Variants in DIAPH2 observed in about 807,000 individuals in gnomAD.
The protein encoded by DIAPH2 is diaphanous related formin 2.
A neutral mutation model predicts 92.7 loss-of-function variants in DIAPH2; 35 were observed. The observed-to-expected ratio is 0.38, with a 90% CI of 0.29 to 0.50. DIAPH2 has a LOEUF of 0.50. Among genes scored for constraint, DIAPH2 ranks in the 20% least tolerant of loss-of-function variants. The pLI, the probability that DIAPH2 is intolerant of heterozygous loss-of-function variation, is 0.94. For synonymous variants in DIAPH2, 301 were observed against 280.4 expected (o/e 1.07, Z -0.73); for missense variants, 701 against 819.5 (o/e 0.86, Z 1.77).
chrX:97,151,497 A>C (rs1436154984), intron 22 of DIAPH2, among the ~76,000 whole-genome samples: 8 of 27,195 alleles, frequency 2.9e-4, no homozygotes, highest in Admixed American at 7.2e-4. Context: ...GATTTTATCC[A>C]AACACCTTTT....
At chrX:97,089,762 C>G (rs1157088949) in intron 19 of DIAPH2, among the ~76,000 whole-genome samples, 1 of 110,150 alleles carries the variant, frequency 9.1e-6, no homozygotes, top group East Asian at 2.8e-4. Flanking sequence ...GAGTCTTGCT[C>G]TGTTGCCCAG....
At chrX:97,425,620 C>CA (rs1009042466) in intron 25 of DIAPH2, among the ~76,000 whole-genome samples, 433 of 103,904 alleles carry the variant, frequency 4.2e-3, no homozygotes, top group African/African-American at 0.012. Context: ...ACTAAAAATA[C>CA]AAAAAAAAAA....
intron 5 of DIAPH2, among the ~76,000 whole-genome samples, chrX:96,906,018 A>T (rs2065431131): frequency 8.9e-6 from 1 of 112,081 alleles, no homozygotes; most frequent in Non-Finnish European, 1.9e-5. Context: ...AGTCCCAGCT[A>T]CTCGGGAGGC....
intron 17 of DIAPH2, among the ~76,000 whole-genome samples, chrX:97,001,373 G>A (rs1028025277): frequency 2.7e-5 from 3 of 112,014 alleles, no homozygotes; most frequent in Non-Finnish European, 5.6e-5. Flanking sequence ...GTCCAGGTGC[G>A]GTGGCTCACG....
intron 17 of DIAPH2, among the ~76,000 whole-genome samples, chrX:96,995,875 G>A (rs901786487): frequency 1.8e-5 from 2 of 108,548 alleles, no homozygotes; most frequent in Non-Finnish European, 3.8e-5. Flanking sequence ...TTAAAAAAAT[G>A]TGACATCAGG....
intron 22 of DIAPH2, among the ~76,000 whole-genome samples, chrX:97,173,775 G>A (rs1416425638): frequency 2.7e-5 from 3 of 109,725 alleles, no homozygotes; most frequent in African/African-American, 9.9e-5. Context: ...GAGTGTGGTG[G>A]CATGCTCCTA....
intron 23 of DIAPH2, among the ~76,000 whole-genome samples, chrX:97,334,720 C>T (rs1366799182): frequency 1.9e-5 from 2 of 106,530 alleles, no homozygotes; most frequent in Non-Finnish European, 3.9e-5. Flanking sequence ...CGGTGGCTCA[C>T]GCCTGTAATC....
chrX:96,958,852 T>G (rs2065829411), intron 16 of DIAPH2, among the ~76,000 whole-genome samples: 1 of 111,806 alleles, frequency 8.9e-6, no homozygotes, highest in Non-Finnish European at 1.9e-5. Context: ...TGTGTCCAGC[T>G]TTTTTCACTT....
intron 22 of DIAPH2, among the ~76,000 whole-genome samples, chrX:97,211,264 A>G (rs898442045): frequency 6.3e-5 from 7 of 111,334 alleles, no homozygotes; most frequent in African/African-American, 2.3e-4. Flanking sequence ...TATATATAAG[A>G]TGAAGTCAGG....
intron 23 of DIAPH2, among the ~76,000 whole-genome samples, chrX:97,300,789 G>A (rs1379405948): frequency 3.1e-5 from 3 of 97,582 alleles, no homozygotes; most frequent in Non-Finnish European, 6.2e-5. Context: ...AAAATTAGCC[G>A]GGCATGGTGG....
intron 23 of DIAPH2, among the ~76,000 whole-genome samples, chrX:97,316,626 AT>A (rs2068843228): frequency 9.0e-6 from 1 of 111,474 alleles, no homozygotes; most frequent in South Asian, 3.8e-4. Context: ...ACTGCACTCC[AT>A]CCCGGGCCAT....
intron 26 of DIAPH2, among the ~76,000 whole-genome samples, chrX:97,437,075 T>C (rs1044218252): frequency 1.8e-5 from 2 of 111,036 alleles, no homozygotes; most frequent in Non-Finnish European, 3.8e-5. Context: ...TCATAACAGA[T>C]CCCACGTAAT....
intron 22 of DIAPH2, among the ~76,000 whole-genome samples, chrX:97,233,078 A>G (rs1455473240): frequency 8.9e-6 from 1 of 112,167 alleles, no homozygotes; most frequent in Admixed American, 9.5e-5. Flanking sequence ...TAACCTCCCT[A>G]CAATAAAGCT....
intron 26 of DIAPH2, among the ~76,000 whole-genome samples, chrX:97,451,127 A>G (rs983713723): frequency 4.5e-5 from 5 of 111,626 alleles, no homozygotes; most frequent in African/African-American, 1.6e-4. Context: ...ATAAAGTGAG[A>G]TGGTGAATGT....
At chrX:97,586,378 A>G (rs1332735919) in intron 26 of DIAPH2, among the ~76,000 whole-genome samples, 1 of 110,281 alleles carries the variant, frequency 9.1e-6, no homozygotes, top group Non-Finnish European at 1.9e-5. Context: ...GTGATCTTGG[A>G]CTCCTTTTCT....
intron 4 of DIAPH2, among the ~76,000 whole-genome samples, chrX:96,855,898 A>G (rs1019481728): frequency 1.8e-5 from 2 of 111,772 alleles, no homozygotes. Context: ...ATAACAATAT[A>G]TGGCAGTTTT....
At chrX:96,999,898 A>C (rs2066131614) in intron 17 of DIAPH2, among the ~76,000 whole-genome samples, 1 of 111,478 alleles carries the variant, frequency 9.0e-6, no homozygotes, top group Admixed American at 9.5e-5. Context: ...ACGCTTTTAT[A>C]AAGAGCAGTT....
At chrX:97,468,345 A>G (rs1409500088) in intron 26 of DIAPH2, among the ~76,000 whole-genome samples, 2 of 111,542 alleles carry the variant, frequency 1.8e-5, no homozygotes, top group African/African-American at 3.3e-5. Flanking sequence ...GACTTGCATC[A>G]TATTCATTAG....
chrX:96,957,389 G>A (rs2065817727), intron 15 of DIAPH2, among the ~76,000 whole-genome samples: 1 of 111,845 alleles, frequency 8.9e-6, no homozygotes, highest in Non-Finnish European at 1.9e-5. Flanking sequence ...GAGGCCTCAG[G>A]AAACTTCCAA....
Sources: allele counts gnomAD v4.1 joint callset (sites outside exome capture counted in the v4.1 genomes callset), GRCh38; gene constraint gnomAD v4.1.1; transcripts MANE v1.5; gene names NCBI Gene and HGNC (gene_info 2026-07-23, HGNC 2026-07-21).